ZNF521: variants seen among roughly 807,000 people sequenced by gnomAD.
The protein encoded by ZNF521 is zinc finger protein 521, also known as LYST-interacting protein 3.
A neutral mutation model predicts 105.5 loss-of-function variants in ZNF521; 14 were observed. That is an observed-to-expected ratio of 0.13 (90% CI 0.09 to 0.21). The LOEUF (loss-of-function observed/expected upper bound fraction) is 0.21. ZNF521 is among the 10% of genes least tolerant of loss of function. The pLI is 1.00. For missense variants in ZNF521, 1,233 were observed against 1,629.7 expected, an observed-to-expected ratio of 0.76 and a Z score of 4.19; for synonymous variants, 635 against 606.0, an observed-to-expected ratio of 1.05 and a Z score of -0.70.
At chr18:25,235,178 G>A (rs1600191447) in intron 3 of ZNF521, among the ~76,000 whole-genome samples, 1 of 152,314 alleles carries the variant, frequency 6.6e-6, no homozygotes, top group Admixed American at 6.5e-5. Context: ...CATAGTGCCA[G>A]CACCACTCTA....
At chr18:25,325,529 A>G (rs1468146129) in intron 2 of ZNF521, among the ~76,000 whole-genome samples, 2 of 152,198 alleles carry the variant, frequency 1.3e-5, no homozygotes, top group African/African-American at 4.8e-5. Context: ...TTGTTGTGCT[A>G]TAAATCCACG....
chr18:25,204,114 A>G (rs1436968921), intron 4 of ZNF521, among the ~76,000 whole-genome samples: 4 of 152,210 alleles, frequency 2.6e-5, no homozygotes, highest in Non-Finnish European at 5.9e-5. Context: ...AGCAGGTGGT[A>G]GCACTGCAGA....
At chr18:25,304,355 A>G (rs1183725619) in intron 3 of ZNF521, among the ~76,000 whole-genome samples, 1 of 152,192 alleles carries the variant, frequency 6.6e-6, no homozygotes, top group African/African-American at 2.4e-5. Flanking sequence ...AGTTGTTCAT[A>G]AACTCTACCC....
intron 5 of ZNF521, among the ~76,000 whole-genome samples, chr18:25,101,012 G>A (rs900978488): frequency 6.6e-6 from 1 of 152,120 alleles, no homozygotes; most frequent in African/African-American, 2.4e-5. Context: ...GCAGCTGTGG[G>A]GTCATGTATT....
chr18:25,173,394 A>G (rs1244200008), intron 5 of ZNF521, among the ~76,000 whole-genome samples: 1 of 152,106 alleles, frequency 6.6e-6, no homozygotes, highest in East Asian at 1.9e-4. Context: ...ATTCCATCCC[A>G]AGCCTTTCTC....
At chr18:25,108,275 AT>A in intron 5 of ZNF521, among the ~76,000 whole-genome samples, 1 of 152,320 alleles carries the variant, frequency 6.6e-6, no homozygotes, top group South Asian at 2.1e-4. Context: ...TGAAAATTGC[AT>A]TTTTTCAATG....
intron 3 of ZNF521, among the ~76,000 whole-genome samples, chr18:25,281,464 G>A (rs1005746799): frequency 6.6e-6 from 1 of 152,186 alleles, no homozygotes; most frequent in East Asian, 1.9e-4. Context: ...GAATGCATGT[G>A]CTGGAAATGT....
chr18:25,066,334 T>G (rs571059193), intron 7 of ZNF521, among the ~76,000 whole-genome samples: 1 of 152,198 alleles, frequency 6.6e-6, no homozygotes. Flanking sequence ...GGGCTTGCCT[T>G]TGCCACCTTT....
intron 3 of ZNF521, among the ~76,000 whole-genome samples, chr18:25,269,074 G>T (rs1173463856): frequency 2.1e-5 from 3 of 143,710 alleles, no homozygotes; most frequent in Non-Finnish European, 4.5e-5. Flanking sequence ...AAAATAAAGG[G>T]ATGGAGGAAT....
chr18:25,095,771 G>A (rs1039100414), intron 5 of ZNF521, among the ~76,000 whole-genome samples: 3 of 152,140 alleles, frequency 2.0e-5, no homozygotes, highest in Non-Finnish European at 2.9e-5. Flanking sequence ...TTCTAGCCAC[G>A]TATGTACAAA....
intron 5 of ZNF521, among the ~76,000 whole-genome samples, chr18:25,106,464 A>G (rs2144278724): frequency 6.6e-6 from 1 of 152,314 alleles, no homozygotes; most frequent in Non-Finnish European, 1.5e-5. Flanking sequence ...TTTAAAAAAA[A>G]ATCCGTTGAA....
intron 5 of ZNF521, among the ~76,000 whole-genome samples, chr18:25,140,734 G>A (rs1287325711): frequency 6.6e-6 from 1 of 152,192 alleles, no homozygotes; most frequent in East Asian, 1.9e-4. Context: ...AAGGGAAAAT[G>A]GGAGAGGGAG....
intron 3 of ZNF521, among the ~76,000 whole-genome samples, chr18:25,304,740 T>A (rs1911873841): frequency 6.6e-6 from 1 of 152,170 alleles, no homozygotes; most frequent in African/African-American, 2.4e-5. Context: ...TCCTATCAGC[T>A]CCTGTGAACA....
chr18:25,327,884 C>G (rs1568080941), intron 2 of ZNF521, among the ~76,000 whole-genome samples: 3 of 151,924 alleles, frequency 2.0e-5, no homozygotes, highest in Non-Finnish European at 4.4e-5. Flanking sequence ...CACAAACAAA[C>G]AAAAAAAGCA....
intron 5 of ZNF521, among the ~76,000 whole-genome samples, chr18:25,109,613 G>A (rs1307126667): frequency 6.6e-6 from 1 of 152,150 alleles, no homozygotes. Flanking sequence ...GACAACATAT[G>A]TTGCTTTTTG....
chr18:25,216,855 C>T (rs557990931), intron 4 of ZNF521, among the ~76,000 whole-genome samples: 8 of 152,112 alleles, frequency 5.3e-5, no homozygotes, highest in African/African-American at 9.7e-5. Context: ...CATGCCCGGC[C>T]GAGTGAACAA....
At chr18:25,243,226 C>G (rs1054956567) in intron 3 of ZNF521, among the ~76,000 whole-genome samples, 2 of 151,748 alleles carry the variant, frequency 1.3e-5, no homozygotes, top group African/African-American at 4.8e-5. Flanking sequence ...GTGGTCAATA[C>G]TGGTTTGACT....
chr18:25,348,671 T>C (rs1223370952), intron 2 of ZNF521, among the ~76,000 whole-genome samples: 1 of 145,382 alleles, frequency 6.9e-6, no homozygotes, highest in East Asian at 2.0e-4. Flanking sequence ...AGTGTAAATA[T>C]TTTATTTAGA....
At chr18:25,175,442 G>T (rs967469320) in intron 5 of ZNF521, among the ~76,000 whole-genome samples, 4 of 152,138 alleles carry the variant, frequency 2.6e-5, no homozygotes, top group Non-Finnish European at 5.9e-5. Flanking sequence ...AGTTGAAATG[G>T]ATCAACTCAA....
Sources: gnomAD v4.1 joint callset for allele counts (sites outside exome capture counted in the v4.1 genomes callset) on GRCh38, gnomAD v4.1.1 for gene constraint, MANE v1.5 for transcripts, NCBI Gene and HGNC (gene_info 2026-07-23, HGNC 2026-07-21) for gene names.